SNTG1: variants seen among roughly 807,000 people sequenced by gnomAD.
SNTG1 encodes gamma-1-syntrophin.
In SNTG1, 39 loss-of-function variants were observed where a neutral mutation model predicts 74.7. The ratio of observed to expected loss-of-function variants is 0.52; its 90% CI spans 0.40 to 0.68. The LOEUF (loss-of-function observed/expected upper bound fraction) is 0.68. Ranked by LOEUF, SNTG1 falls within the 30% of genes least tolerant of loss-of-function variation. The pLI is 0.00. For synonymous variants in SNTG1, 254 were observed against 217.1 expected (o/e 1.17, Z -1.49); for missense variants, 685 against 609.5 (o/e 1.12, Z -1.30).
At chr8:50,370,045 A>T (rs763890728) in intron 2 of SNTG1, among the ~76,000 whole-genome samples, 2 of 152,152 alleles carry the variant, frequency 1.3e-5, no homozygotes, top group Admixed American at 6.5e-5. Flanking sequence ...CATTTATAAG[A>T]AGCAAGGATC....
intron 2 of SNTG1, among the ~76,000 whole-genome samples, chr8:50,291,974 G>A (rs1021082519): frequency 2.6e-5 from 4 of 151,946 alleles, no homozygotes; most frequent in African/African-American, 9.7e-5. Context: ...ATGGTAGGAA[G>A]CAGAATGAGG....
chr8:50,131,121 T>C (rs1026968893), intron 1 of SNTG1, among the ~76,000 whole-genome samples: 1 of 152,040 alleles, frequency 6.6e-6, no homozygotes, highest in Non-Finnish European at 1.5e-5. Flanking sequence ...CCAGTGGATA[T>C]AGACAGTGAA....
At chr8:50,316,823 G>A (rs2130786556) in intron 2 of SNTG1, among the ~76,000 whole-genome samples, 1 of 152,112 alleles carries the variant, frequency 6.6e-6, no homozygotes, top group East Asian at 1.9e-4. Context: ...TATGTCCCAA[G>A]CACTGTGCTG....
chr8:50,288,457 T>C (rs1412809875), intron 2 of SNTG1, among the ~76,000 whole-genome samples: 5 of 152,216 alleles, frequency 3.3e-5, no homozygotes, highest in Non-Finnish European at 5.9e-5. Flanking sequence ...ATCTACTATA[T>C]TGAGAAATTC....
chr8:50,125,034 A>T lies in SNTG1; in HGVS notation c.-102-47527A>T, dbSNP rs919872103. Among the ~76,000 whole-genome samples, 2 of 142,066 alleles carry T rather than the reference A, an allele frequency of 1.4e-5. 1 individual carries two copies. The highest frequency in any genetic ancestry group is 3.1e-5 in the Non-Finnish European group (2 of 63,818). The allele number at this position is 142,066 out of a possible 152,430, so 93.2% of individuals were successfully genotyped here. On this transcript the variant is annotated intron_variant, in intron 1 of 18. Transcript: ENST00000642720. Reference sequence around the variant, plus strand: ...TATGGATAAAGCCATACCTGAAAGCACTGAGATTTCTGCCATCACTATACA... The same window carrying T: ...TATGGATAAAGCCATACCTGAAAGCTCTGAGATTTCTGCCATCACTATACA...
At position 49,980,815 on chromosome 8, in the gene SNTG1, A is replaced by G. The variant is rs551642754; in HGVS notation, c.-103+68584A>G. On this transcript the variant is annotated intron_variant, in intron 1 of 18. Coordinates refer to ENST00000642720, the MANE Select transcript of SNTG1 (RefSeq NM_018967.5). ...AGGGAAATGTGTTTTTAAGCCTTTT[A>G]GACACTTAAAGCTAACTTTTATTAG... 2.6e-5 allele frequency among the ~76,000 whole-genome samples: 4 copies of G among 152,338 alleles called. No homozygotes were observed. In the East Asian group the frequency reaches 7.7e-4, roughly 29 times the overall value.
chr8:50,276,404 TATATAA>T (rs2088113165), intron 2 of SNTG1, among the ~76,000 whole-genome samples: 2 of 113,610 alleles, frequency 1.8e-5, no homozygotes, highest in African/African-American at 5.8e-5. Context: ...TATATATATA[TATATAA>T]ATCATATATT....
intron 4 of SNTG1, among the ~76,000 whole-genome samples, chr8:50,409,475 G>T (rs983056): frequency 1.3e-5 from 2 of 152,158 alleles, no homozygotes; most frequent in Non-Finnish European, 2.9e-5. Context: ...GTATCAAAAC[G>T]TAGGCAGCAA....
intron 1 of SNTG1, among the ~76,000 whole-genome samples, chr8:50,139,046 A>G (rs1586439518): frequency 6.6e-6 from 1 of 152,172 alleles, no homozygotes; most frequent in African/African-American, 2.4e-5. Flanking sequence ...TACCATTTTG[A>G]TGTATGAATC....
intron 3 of SNTG1, 79 bp downstream of exon 3, chr8:50,394,344 G>A (rs1216414790): frequency 6.9e-7 from 1 of 1,447,940 alleles, no homozygotes; most frequent in Non-Finnish European, 9.5e-7. Flanking sequence ...TTTATATAGG[G>A]AAATTCTGCT....
intron 9 of SNTG1, among the ~76,000 whole-genome samples, chr8:50,510,789 A>G (rs980889022): frequency 4.0e-5 from 6 of 151,834 alleles, no homozygotes; most frequent in Non-Finnish European, 7.4e-5. Context: ...TATTGCATCT[A>G]TTTGATTCTT....
chr8:50,381,233 A>G (rs1488711178), intron 2 of SNTG1, among the ~76,000 whole-genome samples: 3 of 152,106 alleles, frequency 2.0e-5, no homozygotes, highest in Non-Finnish European at 2.9e-5. Context: ...TTGCCCCTAG[A>G]AAAACTTATG....
intron 12 of SNTG1, among the ~76,000 whole-genome samples, chr8:50,587,998 T>C (rs2130859363): frequency 6.6e-6 from 1 of 151,746 alleles, no homozygotes; most frequent in East Asian, 2.0e-4. Context: ...TGGGCACCTA[T>C]AGTCCCAGCT....
chr8:50,562,434 A>T (rs1226116145), intron 12 of SNTG1, among the ~76,000 whole-genome samples: 1 of 152,202 alleles, frequency 6.6e-6, no homozygotes, highest in African/African-American at 2.4e-5. Flanking sequence ...GGCTCTGAAG[A>T]TGGAGAAGGG....
At chr8:50,109,688 TCTTA>T (rs1270179605) in intron 1 of SNTG1, among the ~76,000 whole-genome samples, 1 of 152,122 alleles carries the variant, frequency 6.6e-6, no homozygotes, top group East Asian at 1.9e-4. Context: ...CGGTTCTTGG[TCTTA>T]CTTGGGAGAC....
At chr8:50,362,873 A>G (rs971802482) in intron 2 of SNTG1, among the ~76,000 whole-genome samples, 3 of 152,164 alleles carry the variant, frequency 2.0e-5, no homozygotes, top group Non-Finnish European at 4.4e-5. Context: ...CAAAACATGA[A>G]TGGGCCATAT....
intron 2 of SNTG1, among the ~76,000 whole-genome samples, chr8:50,190,149 A>G (rs2083515797): frequency 6.6e-6 from 1 of 152,186 alleles, no homozygotes; most frequent in Non-Finnish European, 1.5e-5. Flanking sequence ...TGGATACGGT[A>G]TAATTCAGCC....
chr8:50,510,060 A>G (rs1456666354), intron 9 of SNTG1, among the ~76,000 whole-genome samples: 1 of 152,308 alleles, frequency 6.6e-6, no homozygotes, highest in East Asian at 1.9e-4. Context: ...TTTGTCATAG[A>G]TAGCTCTTAT....
chr8:49,916,857 AC>A (rs1347618773), intron 1 of SNTG1, among the ~76,000 whole-genome samples: 8 of 151,660 alleles, frequency 5.3e-5, no homozygotes, highest in African/African-American at 1.7e-4. Context: ...GAAAAAAAAA[AC>A]ATAAAAAATA....
Sources: gnomAD v4.1 joint callset for allele counts (sites outside exome capture counted in the v4.1 genomes callset) on GRCh38, gnomAD v4.1.1 for gene constraint, MANE v1.5 for transcripts, NCBI Gene and HGNC (gene_info 2026-07-23, HGNC 2026-07-21) for gene names.